Variants in NNT observed in about 807,000 individuals in gnomAD.
NNT encodes the protein nicotinamide nucleotide transhydrogenase, also known as NAD(P) transhydrogenase, mitochondrial.
NNT carries 50 observed loss-of-function variants against 104.8 expected under a neutral mutation model. The observed-to-expected ratio is 0.48, with a 90% CI of 0.38 to 0.60. NNT has a LOEUF of 0.60. Among genes scored for constraint, NNT ranks in the 20% least tolerant of loss-of-function variants. The pLI is 0.00. For synonymous variants in NNT, 461 were observed against 490.4 expected, an observed-to-expected ratio of 0.94 and a Z score of 0.79; for missense variants, 1,131 against 1,330.7, an observed-to-expected ratio of 0.85 and a Z score of 2.33.
intron 1 of NNT, among the ~76,000 whole-genome samples, chr5:43,608,588 T>A (rs1453063321): frequency 1.3e-5 from 2 of 152,234 alleles, no homozygotes. Context: ...ATGAATCTTT[T>A]GTTCACTCAG....
At chr5:43,695,525 G>T (rs116290170) in intron 19 of NNT, among the ~76,000 whole-genome samples, 3,095 of 152,242 alleles carry the variant, frequency 0.02, 55 homozygotes, top group Non-Finnish European at 0.029. Flanking sequence ...TCACTTTGAG[G>T]GACTGAGGCT....
chr5:43,645,297 A>C (rs1739326108), intron 9 of NNT, 60 bp from the exon 10 acceptor site: 1 of 1,142,806 alleles, frequency 8.8e-7, no homozygotes, highest in Admixed American at 3.0e-5. Context: ...TATATTCCTT[A>C]AGCAATTTTG....
intron 5 of NNT, among the ~76,000 whole-genome samples, chr5:43,623,594 AATGTGTTTTG>A (rs2111647793): frequency 6.6e-6 from 1 of 152,270 alleles, no homozygotes; most frequent in African/African-American, 2.4e-5. Context: ...CCATCTTTGA[AATGTGTTTTG>A]ATGTTTGATG....
At chr5:43,650,419 G>T in intron 11 of NNT, 58 bp from the exon 12 acceptor site, 1 of 1,225,198 alleles carries the variant, frequency 8.2e-7, no homozygotes, top group South Asian at 1.2e-5. Context: ...CTTCAGCTAT[G>T]ATATTTGATT....
At chr5:43,700,431 C>G (rs1443588918) in intron 20 of NNT, among the ~76,000 whole-genome samples, 194 bp downstream of exon 20, 1 of 152,144 alleles carries the variant, frequency 6.6e-6, no homozygotes, top group East Asian at 1.9e-4. Context: ...TCGTAAACAG[C>G]ACAGGTAAAT....
chr5:43,660,644 T>C (rs557413468), intron 17 of NNT, among the ~76,000 whole-genome samples: 119 of 152,300 alleles, frequency 7.8e-4, no homozygotes, highest in African/African-American at 2.8e-3. Flanking sequence ...ACAGGAAGCA[T>C]GACTGTGAGG....
intron 5 of NNT, among the ~76,000 whole-genome samples, chr5:43,621,566 GT>G (rs997710624): frequency 9.4e-5 from 14 of 148,198 alleles, no homozygotes; most frequent in East Asian, 2.0e-4. Flanking sequence ...TTTTGACTTG[GT>G]TTTTTTTTTG....
intron 16 of NNT, among the ~76,000 whole-genome samples, chr5:43,658,418 T>G (rs1339667964): frequency 6.6e-6 from 1 of 152,250 alleles, no homozygotes; most frequent in Non-Finnish European, 1.5e-5. Context: ...ACGGACATTG[T>G]TAATGATACA....
Position 43,667,309 on chromosome 5 carries a change from A to G in NNT, c.2634+7959A>G, listed in dbSNP as rs986726071. ...TATTATACTTTAAGTTCTAGGGTAC[A>G]TGTGCACAACGTGCAGGTTTGTTAC... On this transcript the variant is annotated intron_variant, in intron 17 of 21. Transcript: ENST00000344920. 3.2e-5 allele frequency: 20 copies of G among 629,778 alleles called. No individual in the cohort carries two copies. The East Asian group carries it at 4.7e-4, about 15-fold the overall frequency. 39.0% of individuals were successfully genotyped at this position (629,778 alleles called of 1,614,324 possible).
chr5:43,604,180 C>CTTGT (rs1579957771), intron 1 of NNT, among the ~76,000 whole-genome samples: 1 of 152,132 alleles, frequency 6.6e-6, no homozygotes, highest in East Asian at 1.9e-4. Context: ...AAAAGCGTGA[C>CTTGT]TTGTTTATGG....
chr5:43,677,937 A>G, intron 19 of NNT, 131 bp downstream of exon 19: 3 of 667,364 alleles, frequency 4.5e-6, no homozygotes, highest in Non-Finnish European at 7.7e-6. Flanking sequence ...AAATCCATAT[A>G]TAACTTTTGA....
At position 43,626,264 on chromosome 5, in the gene NNT, A is replaced by C. The variant is rs576915135; in HGVS notation, c.777-1936A>C. Among the ~76,000 whole-genome samples the C allele has an allele frequency of 3.5e-4, 53 of 152,308 alleles. 1 individual carries two copies. Among genetic ancestry groups the C allele is most frequent in the African/African-American group, 1.2e-3 (51 of 41,576 alleles). ...AACTATTTACATAACATTTACATTT[A>C]TTAGGCATTATAAATAATCTAGAGA... On this transcript the variant is annotated intron_variant, in intron 6 of 21. Coordinates refer to ENST00000344920, the MANE Select transcript of NNT (RefSeq NM_182977.3).
At position 43,705,787 on chromosome 5, in the gene NNT, G is replaced by A. The variant is rs1464966396; in HGVS notation, c.*1383G>A. 6.6e-6 allele frequency: 1 copy of A among 152,002 alleles called. No homozygotes were observed. The highest frequency in any genetic ancestry group is 1.5e-5 in the Non-Finnish European group (1 of 67,972). 9.4% of individuals were successfully genotyped at this position (152,002 alleles called of 1,614,324 possible). A position where few individuals can be genotyped will look rare whatever the true frequency, so the allele number is the denominator to read the frequency against. ...GATCTGTGTATGTGTGTGTGTGTGT[G>A]TGTGCGTTTGTGTGTTAAAGCAGAA... On this transcript the variant is annotated 3_prime_UTR_variant, in exon 22 of 22. Transcript: ENST00000344920.
At chr5:43,631,401 A>G (rs1224521584) in intron 7 of NNT, among the ~76,000 whole-genome samples, 1 of 152,128 alleles carries the variant, frequency 6.6e-6, no homozygotes, top group Non-Finnish European at 1.5e-5. Context: ...GCTGTTTCAC[A>G]GGTGGTTCTG....
chr5:43,697,805 C>A lies in NNT; in HGVS notation c.2877-2314C>A, dbSNP rs144114576. 5.7e-3 allele frequency among the ~76,000 whole-genome samples: 871 copies of A among 152,234 alleles called. 6 individuals carry two copies. Among genetic ancestry groups the A allele is most frequent in the African/African-American group, 0.019 (792 of 41,524 alleles). On this transcript the variant is annotated intron_variant, in intron 19 of 21. Coordinates refer to ENST00000344920, the MANE Select transcript of NNT (RefSeq NM_182977.3). ...AAAGGAGAGCTTGTGCAGGGAAACT[C>A]CTTCTTATAAAATCATCAGGTCTTG...
chr5:43,666,633 A>AT (rs878920651), intron 17 of NNT: 17,566 of 417,946 alleles, frequency 0.042, 63 homozygotes, highest in Middle Eastern at 0.068. Flanking sequence ...AGGGAGATCT[A>AT]TTTTTTTTTT....
chr5:43,633,382 C>T (rs1750780122), intron 7 of NNT, among the ~76,000 whole-genome samples: 1 of 152,184 alleles, frequency 6.6e-6, no homozygotes. Context: ...ATTATCTCCT[C>T]AAATGGGCCA....
intron 7 of NNT, among the ~76,000 whole-genome samples, chr5:43,629,540 A>G (rs1750566848): frequency 6.6e-6 from 1 of 152,314 alleles, no homozygotes; most frequent in South Asian, 2.1e-4. Context: ...TAGTTCTTTA[A>G]GGAATCTCCA....
intron 7 of NNT, among the ~76,000 whole-genome samples, chr5:43,630,502 T>C (rs1750618338): frequency 6.6e-6 from 1 of 152,240 alleles, no homozygotes; most frequent in African/African-American, 2.4e-5. Flanking sequence ...TTTTTACTTA[T>C]GGGAATGACC....
Sources: gnomAD v4.1 joint callset for allele counts (sites outside exome capture counted in the v4.1 genomes callset) on GRCh38, gnomAD v4.1.1 for gene constraint, MANE v1.5 for transcripts, NCBI Gene and HGNC (gene_info 2026-07-23, HGNC 2026-07-21) for gene names.